HMCN1: variants seen among roughly 807,000 people sequenced by gnomAD.
HMCN1 encodes hemicentin-1.
HMCN1 carries 321 observed loss-of-function variants against 625.9 expected under a neutral mutation model. That is an observed-to-expected ratio of 0.51 (90% confidence interval 0.47 to 0.56). HMCN1 has a LOEUF of 0.56. HMCN1 is among the 20% of genes least tolerant of loss of function. HMCN1 has a pLI of 0.00. For synonymous variants in HMCN1, 2,425 were observed against 2,417.6 expected, an observed-to-expected ratio of 1.00 and a Z score of -0.09; for missense variants, 6,588 against 6,887.3, an observed-to-expected ratio of 0.96 and a Z score of 1.54.
rs770661779 is a variant in HMCN1 at position 186,115,315 on chromosome 1, C to G, written c.11462C>G (p.Thr3821Ser). The change falls in exon 75 of 107, where the codon ACT becomes AGT. Residue 3821 changes from threonine to serine, a missense_variant. By Grantham distance (58) the Thr-to-Ser change is moderately conservative (BLOSUM62 1). This residue lies in a region of HMCN1 where 4,628 missense variants were observed against 4,853.1 expected (regional missense o/e 0.95). Transcript: ENST00000271588. ...TNMTVIVNVQTTLACEATGIP... is the reference protein window; with the variant it reads ...TNMTVIVNVQSTLACEATGIP... The stretch of plus-strand genomic sequence containing the variant: ...ATGACTGTAATAGTAAATGTTCAAA[C>G]TACTCTGGCTTGTGAGGCTACTGGG... 1 of 1,614,000 alleles carries G rather than the reference C, an allele frequency of 6.2e-7. No individual in the cohort carries two copies.
At chr1:186,094,755 C>T (rs540736455) in intron 67 of HMCN1, among the ~76,000 whole-genome samples, 3 of 152,058 alleles carry the variant, frequency 2.0e-5, no homozygotes, top group Admixed American at 6.6e-5. Flanking sequence ...TGTGTGTATG[C>T]GTATATATGG....
intron 4 of HMCN1, among the ~76,000 whole-genome samples, chr1:185,902,405 C>CTATCTATCTATATCTA (rs903275348): frequency 2.1e-5 from 3 of 145,358 alleles, no homozygotes; most frequent in African/African-American, 7.8e-5. Context: ...ATCTATCTAT[C>CTATCTATCTATATCTA]TCTATCTATC....
At chr1:185,838,596 G>A (rs1201542115) in intron 1 of HMCN1, among the ~76,000 whole-genome samples, 1 of 152,150 alleles carries the variant, frequency 6.6e-6, no homozygotes, top group Non-Finnish European at 1.5e-5. Context: ...GTGGGAACAT[G>A]CATGAGCCAA....
In HMCN1 at chr1:186,012,348, G is replaced by A. The variant is rs145248392; in HGVS notation, c.4631-2811G>A. On this transcript the variant is annotated intron_variant, in intron 30 of 106. Transcript: ENST00000271588. ...AAATTTTCTGAAAATATTTTTGACT[G>A]TAGTTGTTTCACAGACGGCTCTAAG... 6.3e-3 allele frequency among the ~76,000 whole-genome samples: 954 copies of A among 150,666 alleles called. 13 individuals are homozygous for A. The highest frequency in any genetic ancestry group is 0.022 in the African/African-American group (890 of 41,012).
At chr1:185,887,697 C>A (rs1466809513) in intron 4 of HMCN1, among the ~76,000 whole-genome samples, 1 of 142,958 alleles carries the variant, frequency 7.0e-6, no homozygotes, top group Non-Finnish European at 1.5e-5. Flanking sequence ...TTTCTTAATC[C>A]AGTCTATCAT....
chr1:186,123,942 A>G (rs1056500898), intron 81 of HMCN1, among the ~76,000 whole-genome samples: 1 of 152,106 alleles, frequency 6.6e-6, no homozygotes, highest in African/African-American at 2.4e-5. Context: ...ACTTCATAGT[A>G]ACAGAGACAA....
Position 186,108,559 on chromosome 1 carries a change from C to G in HMCN1, c.10951C>G (p.Pro3651Ala), listed in dbSNP as rs771956452. The G allele has an allele frequency of 6.2e-7, 1 of 1,614,124 alleles. No individual in the cohort carries two copies. The highest frequency in any genetic ancestry group is 1.7e-5 in the Admixed American group (1 of 60,012). ...LECKSDAVPP[P>A]VITWLRNGER... ...ATGCAAGTCAGATGCAGTGCCCCCA[C>G]CTGTAATTACTTGGCTCAGAAATGG... The change falls in exon 71 of 107, where the codon CCT becomes GCT. Residue 3651 changes from proline (P) to alanine (A), a missense_variant. Coordinates refer to ENST00000271588, the MANE Select transcript of HMCN1 (RefSeq NM_031935.3).
At chr1:186,088,993 A>G (rs1048439609) in intron 63 of HMCN1, among the ~76,000 whole-genome samples, 3 of 151,984 alleles carry the variant, frequency 2.0e-5, no homozygotes, top group Non-Finnish European at 2.9e-5. Context: ...CCAATTTTCC[A>G]TTTCCACTTC....
At chr1:186,016,926 A>G (rs375464242) in intron 32 of HMCN1, 37 bp from the exon 33 acceptor site, 12 of 1,124,850 alleles carry the variant, frequency 1.1e-5, no homozygotes, top group African/African-American at 9.2e-5. Context: ...TTTGTTGTAT[A>G]CATTTCTTTG....
intron 85 of HMCN1, 130 bp downstream of exon 85, chr1:186,130,827 T>C: frequency 1.1e-6 from 1 of 889,372 alleles, no homozygotes; most frequent in South Asian, 1.4e-5. Flanking sequence ...AAATAACTCC[T>C]TTTAAAAAAC....
In HMCN1 at chr1:186,130,707, G is replaced by C; in HGVS notation, c.13230+10G>C. ...CATCTATGGCACTGTTGTAAGTCAC[G>C]CCAGAATGATTGATGCACCTTTAAA... On this transcript the variant is annotated intron_variant, in intron 85 of 106. Transcript: ENST00000271588. 6.2e-7 allele frequency: 1 copy of C among 1,611,146 alleles called. No homozygotes were observed. The highest frequency in any genetic ancestry group is 8.5e-7 in the Non-Finnish European group (1 of 1,178,920).
At chr1:186,018,698 G>A (rs767624365) in intron 34 of HMCN1, among the ~76,000 whole-genome samples, 1 of 152,128 alleles carries the variant, frequency 6.6e-6, no homozygotes, top group East Asian at 1.9e-4. Context: ...CACGGAGCAA[G>A]TTCCAAGTAA....
At chr1:186,015,880 A>C in intron 31 of HMCN1, 78 bp from the exon 32 acceptor site, 1 of 1,350,760 alleles carries the variant, frequency 7.4e-7, no homozygotes, top group Non-Finnish European at 1.1e-6. Flanking sequence ...AAAAAACAAA[A>C]GCTCTTCTTT....
Position 186,137,808 on chromosome 1 carries a change from G to A in HMCN1, c.13760G>A (p.Gly4587Asp). ...ATGGTTCACCTTTGTATAGTGGATGGTAGCTGGTCGGAATGGAGTCTTTGG... is the reference window on the plus strand; with the variant it reads ...ATGGTTCACCTTTGTATAGTGGATGATAGCTGGTCGGAATGGAGTCTTTGG... ...NCQNKPCPVD[G>D]SWSEWSLWEE... The change falls in exon 89 of 107, where the codon GGT (glycine) becomes GAT (aspartate). Residue 4587 changes from glycine to aspartate, a missense_variant. Physicochemically the swap from Gly to Asp is moderately conservative, Grantham distance 94. Transcript: ENST00000271588. 1 of 1,614,072 alleles carries A rather than the reference G, an allele frequency of 6.2e-7. No individual in the cohort carries two copies. The highest frequency in any genetic ancestry group is 1.3e-5 in the African/African-American group (1 of 75,024).
chr1:185,842,446 G>A (rs1661532764), intron 1 of HMCN1, among the ~76,000 whole-genome samples: 1 of 151,928 alleles, frequency 6.6e-6, no homozygotes, highest in South Asian at 2.1e-4. Context: ...ACCTGTGGTG[G>A]CAGCTACTTG....
chr1:185,780,456 C>T (rs985144885), intron 1 of HMCN1, among the ~76,000 whole-genome samples: 3 of 152,238 alleles, frequency 2.0e-5, no homozygotes, highest in South Asian at 2.1e-4. Context: ...CCAGTTTTTG[C>T]CCATTCAGTA....
chr1:185,907,373 C>G (rs1233211923), intron 4 of HMCN1, among the ~76,000 whole-genome samples: 1 of 151,882 alleles, frequency 6.6e-6, no homozygotes, highest in Non-Finnish European at 1.5e-5. Flanking sequence ...CACTCCTCTG[C>G]TTGAAGCCCT....
chr1:185,963,828 G>T lies in HMCN1; in HGVS notation c.2031G>T (p.Gly677=), dbSNP rs377701987. The T allele has an allele frequency of 1.9e-6, 3 of 1,607,700 alleles. No homozygotes were observed. Among genetic ancestry groups the T allele is most frequent in the African/African-American group, 2.7e-5 (2 of 74,742 alleles). ...FIKNAAPKDA[G]IYGCLASNSA... is the part of the protein sequence containing the mutation. ...AAAATGCAGCTCCCAAAGATGCAGG[G>T]ATCTATGGTTGCCTAGCAAGTAATT... is the stretch of plus-strand genomic sequence containing the variant. Residue 677 remains glycine, a synonymous_variant, in exon 13 of 107, where the codon GGG becomes GGT. Coordinates refer to ENST00000271588, the MANE Select transcript of HMCN1 (RefSeq NM_031935.3).
In HMCN1 at chr1:186,120,032, C is replaced by T. The variant is rs1401738582; in HGVS notation, c.12116C>T (p.Pro4039Leu). The part of the protein sequence containing the change: ...NTSGRNHAVL[P>L]SGGLQISRAV... The stretch of plus-strand genomic sequence containing the variant: ...GTAGGCAGAAACCATGCAGTTCTTC[C>T]TAGTGGCGGCTTACAGATCTCCAGA... Residue 4039 changes from proline to leucine, a missense_variant, in exon 80 of 107, where the codon CCT becomes CTT. This residue lies in a region of HMCN1 where 1,954 missense variants were observed against 2,013.1 expected (regional missense o/e 0.97). Coordinates refer to ENST00000271588, the MANE Select transcript of HMCN1 (RefSeq NM_031935.3). The T allele has an allele frequency of 6.2e-7, 1 of 1,614,000 alleles. No homozygotes were observed. The highest frequency in any genetic ancestry group is 1.1e-5 in the South Asian group (1 of 91,084).
Sources: allele counts gnomAD v4.1 joint callset (sites outside exome capture counted in the v4.1 genomes callset), GRCh38; gene constraint gnomAD v4.1.1; regional missense constraint gnomAD v4.1.1; transcripts MANE v1.5; gene names NCBI Gene and HGNC (gene_info 2026-07-23, HGNC 2026-07-21).